Variants in KIF16B observed in about 807,000 individuals in gnomAD.
KIF16B encodes the protein kinesin family member 16B.
KIF16B carries 98 observed loss-of-function variants against 156.3 expected under a neutral mutation model. That is an observed-to-expected ratio of 0.63 (90% confidence interval 0.53 to 0.74). The LOEUF (loss-of-function observed/expected upper bound fraction) is 0.74, where lower values mean the gene tolerates loss of function less well. Ranked by LOEUF, KIF16B falls within the 30% of genes least tolerant of loss-of-function variation. The probability of loss-of-function intolerance (pLI) is 0.00; values close to 1 mark genes in which losing one functional copy is unlikely to be tolerated. For synonymous variants in KIF16B, 564 were observed against 583.7 expected, an observed-to-expected ratio of 0.97 and a Z score of 0.49; for missense variants, 1,421 against 1,606.5, an observed-to-expected ratio of 0.88 and a Z score of 1.97.
chr20:16,553,105 C>A (rs894126714), intron 1 of KIF16B, among the ~76,000 whole-genome samples: 20 of 152,180 alleles, frequency 1.3e-4, no homozygotes, highest in Non-Finnish European at 2.1e-4. Context: ...CCTCTCCAGT[C>A]TCCACTCTCA....
At chr20:16,328,014 CA>C (rs1568854057) in intron 24 of KIF16B, among the ~76,000 whole-genome samples, 1 of 152,060 alleles carries the variant, frequency 6.6e-6, no homozygotes, top group Admixed American at 6.6e-5. Context: ...AATAGTTGTC[CA>C]AGACAAATAC....
intron 25 of KIF16B, among the ~76,000 whole-genome samples, chr20:16,275,646 T>C (rs901622966): frequency 6.6e-6 from 1 of 152,218 alleles, no homozygotes; most frequent in African/African-American, 2.4e-5. Flanking sequence ...CCTAACTTAC[T>C]GGTCTCATGG....
intron 12 of KIF16B, among the ~76,000 whole-genome samples, chr20:16,437,992 A>AT (rs2066692545): frequency 1.4e-5 from 2 of 141,948 alleles, no homozygotes; most frequent in East Asian, 2.0e-4. Flanking sequence ...AAAATAATAA[A>AT]AAAAAAAAAA....
intron 25 of KIF16B, among the ~76,000 whole-genome samples, chr20:16,308,346 G>A (rs774249440): frequency 6.6e-6 from 1 of 152,204 alleles, no homozygotes; most frequent in Non-Finnish European, 1.5e-5. Flanking sequence ...AATAATTGCT[G>A]AATAACTGGA....
chr20:16,427,136 A>G lies in KIF16B; in HGVS notation c.1580T>C (p.Val527Ala). ...LSGSQCSVNG[V>A]QIVEATHLNQ... is the part of the protein sequence containing the mutation. ...TAGATGTGTGGCCTCCACGATCTGA[A>G]CACCATTCACAGAGCACTGGGACCC... is the stretch of plus-strand genomic sequence containing the variant. The change falls in exon 15 of 26, where the codon GTT (valine) becomes GCT (alanine). Residue 527 changes from valine (V) to alanine (A), a missense_variant. Transcript: ENST00000354981. 6.2e-7 allele frequency: 1 copy of G among 1,611,170 alleles called. No individual in the cohort carries two copies. The highest frequency in any genetic ancestry group is 8.5e-7 in the Non-Finnish European group (1 of 1,178,532).
rs563909905 is a variant in KIF16B at position 16,519,459 on chromosome 20, G to A, written c.232-3795C>T. ...GATTCAGTATCTTCTGGATATAGTC[G>A]CTCCAGTCCTCCAACTTTAACATTT... is the stretch of plus-strand genomic sequence containing the variant. On this transcript the variant is annotated intron_variant, in intron 3 of 25. Coordinates refer to ENST00000354981, the MANE Select transcript of KIF16B (RefSeq NM_024704.5). Among the ~76,000 whole-genome samples the A allele has an allele frequency of 1.4e-4, 22 of 152,178 alleles. 1 individual carries two copies. Among genetic ancestry groups the A allele is most frequent in the African/African-American group, 4.6e-4 (19 of 41,504 alleles).
In KIF16B at chr20:16,335,926, C is replaced by A; in HGVS notation, c.3711G>T (p.Glu1237Asp). ...MHKTLKLKYA[E>D]LAALEFPPKK... ...CGGAGATAATAATTTCATAACTTAC[C>A]TCTGCATACTTTAACTTCAATGTTT... Residue 1237 changes from glutamate to aspartate, a missense_variant and splice_region_variant, in exon 24 of 26, where the codon GAG becomes GAT. Physicochemically the swap from Glu to Asp is conservative, Grantham distance 45. Coordinates refer to ENST00000354981, the MANE Select transcript of KIF16B (RefSeq NM_024704.5). 6.4e-7 allele frequency: 1 copy of A among 1,568,950 alleles called. No homozygotes were observed. The highest frequency in any genetic ancestry group is 8.8e-7 in the Non-Finnish European group (1 of 1,142,214).
intron 23 of KIF16B, among the ~76,000 whole-genome samples, chr20:16,354,358 C>T (rs552808568): frequency 6.6e-6 from 1 of 152,184 alleles, no homozygotes; most frequent in East Asian, 1.9e-4. Flanking sequence ...AATTCTAATT[C>T]TGAACTAATG....
chr20:16,302,451 C>T (rs2063485992), intron 25 of KIF16B, among the ~76,000 whole-genome samples: 1 of 152,156 alleles, frequency 6.6e-6, no homozygotes, highest in Admixed American at 6.5e-5. Flanking sequence ...TTTCTGGGCT[C>T]TCTGTTCTGT....
At chr20:16,443,231 A>C (rs1271909824) in intron 12 of KIF16B, among the ~76,000 whole-genome samples, 1 of 152,156 alleles carries the variant, frequency 6.6e-6, no homozygotes, top group Non-Finnish European at 1.5e-5. Flanking sequence ...CTAAACCCAA[A>C]TTTGTCTAAT....
rs376488028 is a variant in KIF16B, at chr20:16,484,922, G to A, written c.1302+9369C>T. ...GTAAAATAGAGAAAAAAGGATGCTC[G>A]TGGCAGATTTTTTTGCAAAAAATGA... On this transcript the variant is annotated intron_variant, in intron 12 of 25. Coordinates refer to ENST00000354981, the MANE Select transcript of KIF16B (RefSeq NM_024704.5). 5.9e-5 allele frequency among the ~76,000 whole-genome samples: 9 copies of A among 152,284 alleles called. No homozygotes were observed. The East Asian group carries it at 1.4e-3, about 23-fold the overall frequency.
Position 16,430,849 on chromosome 20 carries a change from G to GTGTGTATATGTATATGTATA in KIF16B, c.1303-868_1303-867insTATACATATACATATACACA, listed in dbSNP as rs1555883017. Among the ~76,000 whole-genome samples, 1,122 of 147,178 alleles carry GTGTGTATATGTATATGTATA rather than the reference G, an allele frequency of 7.6e-3. 21 individuals carry two copies. The highest frequency in any genetic ancestry group is 0.026 in the African/African-American group (1,045 of 40,054). On this transcript the variant is annotated intron_variant, in intron 12 of 25. Coordinates refer to ENST00000354981, the MANE Select transcript of KIF16B (RefSeq NM_024704.5). ...ATATGAGTATACTGTGTGTGTGTAT[G>GTGTGTATATGTATATGTATA]TATATATATATATATATGTACACCA... is the stretch of plus-strand genomic sequence containing the variant.
chr20:16,561,707 A>G (rs1568690342), intron 1 of KIF16B, among the ~76,000 whole-genome samples: 2 of 152,254 alleles, frequency 1.3e-5, no homozygotes, highest in African/African-American at 2.4e-5. Context: ...ACATATTGAC[A>G]TCACATACCC....
At position 16,408,976 on chromosome 20, in the gene KIF16B, G is replaced by C. The variant is rs570611619; in HGVS notation, c.1613-2520C>G. 1.2e-4 allele frequency among the ~76,000 whole-genome samples: 18 copies of C among 152,142 alleles called. No homozygotes were observed. The South Asian group carries it at 3.3e-3, about 28-fold the overall frequency. ...GCCAGTCACTGTGATAAACATGGGG[G>C]ATACAGAGTTGAGCAATTCAGACAT... is the stretch of plus-strand genomic sequence containing the variant. On this transcript the variant is annotated intron_variant, in intron 15 of 25. Transcript: ENST00000354981.
chr20:16,322,549 T>G (rs920160451), intron 24 of KIF16B, among the ~76,000 whole-genome samples: 2 of 152,054 alleles, frequency 1.3e-5, no homozygotes, highest in African/African-American at 2.4e-5. Context: ...TGTATATGTA[T>G]GCATATTAGA....
rs535697877 is a variant in KIF16B at position 16,355,245 on chromosome 20, C to T, written c.3621+1085G>A. ...GCTGGCTCTAGGCTCCTTCCTCCCT[C>T]CCCACTCTGTGTGTGCCCAGCAGCT... On this transcript the variant is annotated intron_variant, in intron 23 of 25. Transcript: ENST00000354981. Among the ~76,000 whole-genome samples the T allele has an allele frequency of 2.7e-4, 41 of 152,250 alleles. No homozygotes were observed. In the East Asian group the frequency reaches 4.1e-3, roughly 15 times the overall value.
chr20:16,332,966 G>T (rs550159776), intron 24 of KIF16B, among the ~76,000 whole-genome samples: 1 of 152,126 alleles, frequency 6.6e-6, no homozygotes, highest in African/African-American at 2.4e-5. Context: ...TCCATACTCG[G>T]TATGGCCATT....
chr20:16,498,483 G>A (rs8123698), intron 10 of KIF16B, among the ~76,000 whole-genome samples: 17,091 of 152,134 alleles, frequency 0.11, 1,156 homozygotes, highest in African/African-American at 0.18. Context: ...ATATGCAAGC[G>A]TGTTTTTTGT....
chr20:16,534,060 C>T (rs892079664), intron 1 of KIF16B, among the ~76,000 whole-genome samples: 1 of 152,116 alleles, frequency 6.6e-6, no homozygotes, highest in Non-Finnish European at 1.5e-5. Context: ...GAGTTCAAGA[C>T]CAACCTGGCC....
Sources: allele counts gnomAD v4.1 joint callset (sites outside exome capture counted in the v4.1 genomes callset), GRCh38; gene constraint gnomAD v4.1.1; transcripts MANE v1.5; gene names NCBI Gene and HGNC (gene_info 2026-07-23, HGNC 2026-07-21).